The following ELMO1 variants were observed in gnomAD, a reference collection of about 807,000 sequenced individuals.
ELMO1 encodes the protein engulfment and cell motility 1, also known as engulfment and cell motility protein 1.
In ELMO1, 26 loss-of-function variants were observed where a neutral mutation model predicts 98.9. The ratio of observed to expected loss-of-function variants is 0.26; its 90% CI spans 0.19 to 0.36. ELMO1 has a LOEUF of 0.36. ELMO1 is among the 10% of genes least tolerant of loss of function. The pLI, the probability that ELMO1 is intolerant of heterozygous loss-of-function variation, is 1.00. For synonymous variants in ELMO1, 346 were observed against 346.0 expected, an observed-to-expected ratio of 1.00 and a Z score of 0.00; for missense variants, 627 against 935.2, an observed-to-expected ratio of 0.67 and a Z score of 4.30.
intron 13 of ELMO1, among the ~76,000 whole-genome samples, chr7:37,193,025 A>G (rs1791732712): frequency 6.8e-6 from 1 of 147,030 alleles, no homozygotes. Context: ...ACACACATTT[A>G]AAGAGTGGAA....
intron 1 of ELMO1, among the ~76,000 whole-genome samples, chr7:37,362,691 CA>C (rs1468252278): frequency 1.3e-5 from 2 of 152,122 alleles, no homozygotes; most frequent in Admixed American, 6.5e-5. Flanking sequence ...TCAAATTTAA[CA>C]TATCAAAAAC....
At chr7:37,445,065 T>A (rs1805556238) in intron 1 of ELMO1, among the ~76,000 whole-genome samples, 1 of 152,236 alleles carries the variant, frequency 6.6e-6, no homozygotes, top group African/African-American at 2.4e-5. Context: ...TACTTTGACA[T>A]TAAGACTGGG....
At chr7:37,154,156 T>C (rs1163041698) in intron 13 of ELMO1, among the ~76,000 whole-genome samples, 2 of 152,170 alleles carry the variant, frequency 1.3e-5, no homozygotes, top group Non-Finnish European at 1.5e-5. Context: ...ACCTCATCTG[T>C]AGGTCACCAA....
intron 15 of ELMO1, among the ~76,000 whole-genome samples, chr7:37,085,783 G>A (rs535136092): frequency 7.2e-5 from 11 of 152,330 alleles, no homozygotes; most frequent in South Asian, 2.1e-4. Context: ...CTGATGAGAC[G>A]TGATGATGTC....
At chr7:37,379,853 G>T (rs1247472264) in intron 1 of ELMO1, among the ~76,000 whole-genome samples, 1 of 152,166 alleles carries the variant, frequency 6.6e-6, no homozygotes, top group Non-Finnish European at 1.5e-5. Flanking sequence ...AGGTACTGCA[G>T]ACCTTAGGCC....
At chr7:36,898,405 G>A (rs928145789) in intron 16 of ELMO1, among the ~76,000 whole-genome samples, 8 of 152,104 alleles carry the variant, frequency 5.3e-5, no homozygotes, top group African/African-American at 1.7e-4. Flanking sequence ...TTCAATCGAT[G>A]TCTGGACCAT....
chr7:37,015,156 T>C (rs1335485765), intron 15 of ELMO1, among the ~76,000 whole-genome samples: 11 of 151,380 alleles, frequency 7.3e-5, no homozygotes, highest in Admixed American at 7.2e-4. Context: ...TTCCTCCAGA[T>C]AAAGTAAGGG....
chr7:37,088,220 T>C (rs1783887378), intron 15 of ELMO1, among the ~76,000 whole-genome samples: 2 of 152,210 alleles, frequency 1.3e-5, no homozygotes, highest in African/African-American at 4.8e-5. Flanking sequence ...CCATTTATAA[T>C]TGAGATGTGC....
chr7:37,069,799 CTAAAA>C (rs1207765175), intron 15 of ELMO1, among the ~76,000 whole-genome samples: 1 of 152,092 alleles, frequency 6.6e-6, no homozygotes, highest in Non-Finnish European at 1.5e-5. Flanking sequence ...AATTTTATAA[CTAAAA>C]TATTGTTATA....
intron 13 of ELMO1, among the ~76,000 whole-genome samples, chr7:37,163,751 G>A (rs1789411499): frequency 6.6e-6 from 1 of 152,122 alleles, no homozygotes; most frequent in Non-Finnish European, 1.5e-5. Context: ...TGGACATTTG[G>A]GTTGGTTCCA....
chr7:37,056,524 G>C (rs1381837892), intron 15 of ELMO1, among the ~76,000 whole-genome samples: 1 of 152,172 alleles, frequency 6.6e-6, no homozygotes, highest in Non-Finnish European at 1.5e-5. Flanking sequence ...TAATCCATCA[G>C]TTTTTGAAGA....
intron 4 of ELMO1, among the ~76,000 whole-genome samples, chr7:37,282,237 C>T (rs1330675311): frequency 4.6e-5 from 7 of 152,338 alleles, no homozygotes; most frequent in African/African-American, 1.4e-4. Flanking sequence ...CCTCTGCGTT[C>T]AGGCCCTGTG....
intron 15 of ELMO1, among the ~76,000 whole-genome samples, chr7:37,021,606 A>G (rs945485344): frequency 6.6e-6 from 1 of 152,112 alleles, no homozygotes; most frequent in African/African-American, 2.4e-5. Context: ...TGACGTCACT[A>G]TTTAATAGCA....
chr7:37,027,210 TAAC>T (rs961632381), intron 15 of ELMO1, among the ~76,000 whole-genome samples: 1 of 152,154 alleles, frequency 6.6e-6, no homozygotes, highest in Non-Finnish European at 1.5e-5. Flanking sequence ...GAACAATGAA[TAAC>T]ATCACAAAGA....
chr7:36,877,648 C>T (rs1276205316), intron 19 of ELMO1, among the ~76,000 whole-genome samples: 7 of 152,086 alleles, frequency 4.6e-5, no homozygotes, highest in East Asian at 1.9e-4. Flanking sequence ...ATATAAGTTA[C>T]GAAAATAAGA....
intron 16 of ELMO1, among the ~76,000 whole-genome samples, chr7:36,971,610 A>G (rs1286590545): frequency 3.9e-5 from 6 of 152,304 alleles, no homozygotes; most frequent in Admixed American, 1.3e-4. Context: ...AGTATTACCA[A>G]GAGATCTAAG....
chr7:37,302,738 A>G (rs529699912), intron 4 of ELMO1, among the ~76,000 whole-genome samples: 19 of 152,278 alleles, frequency 1.2e-4, no homozygotes, highest in African/African-American at 4.1e-4. Context: ...AGTATAAGTA[A>G]TCATCTCTAC....
intron 1 of ELMO1, chr7:37,375,956 C>T: frequency 1.6e-6 from 1 of 610,716 alleles, no homozygotes; most frequent in Middle Eastern, 4.5e-4. Flanking sequence ...GAGGCTGGGG[C>T]TGGGTCAGCA....
intron 16 of ELMO1, among the ~76,000 whole-genome samples, chr7:36,944,940 G>A (rs1163634083): frequency 1.3e-5 from 2 of 152,166 alleles, no homozygotes; most frequent in African/African-American, 4.8e-5. Flanking sequence ...CCTTGAAGTG[G>A]GAATAAAGGG....
Sources: allele counts gnomAD v4.1 joint callset (sites outside exome capture counted in the v4.1 genomes callset), GRCh38; gene constraint gnomAD v4.1.1; transcripts MANE v1.5; gene names NCBI Gene and HGNC (gene_info 2026-07-23, HGNC 2026-07-21).